Variants in PCDHGA11 observed in about 807,000 individuals in gnomAD.
PCDHGA11 encodes the protein protocadherin gamma-A11.
PCDHGA11 carries 39 observed loss-of-function variants against 60.4 expected under a neutral mutation model. The ratio of observed to expected loss-of-function variants is 0.65; its 90% confidence interval spans 0.50 to 0.84. PCDHGA11 has a LOEUF of 0.84. Ranked by LOEUF, PCDHGA11 falls within the 40% of genes least tolerant of loss-of-function variation. PCDHGA11 has a pLI of 0.00. For missense variants in PCDHGA11, 1,165 were observed against 1,197.7 expected, an observed-to-expected ratio of 0.97 and a Z score of 0.40; for synonymous variants, 533 against 510.3, an observed-to-expected ratio of 1.04 and a Z score of -0.60.
At chr5:141,433,225 GCT>G in intron 1 of PCDHGA11, 1 of 1,517,048 alleles carries the variant, frequency 6.6e-7, no homozygotes, top group African/African-American at 1.4e-5. Context: ...TTTTTTAATT[GCT>G]CTGTCTCCCA....
At position 141,474,586 on chromosome 5, in the gene PCDHGA11, A is replaced by T. The variant is rs149003643; in HGVS notation, c.2434-20221A>T. 7.1e-4 allele frequency among the ~76,000 whole-genome samples: 108 copies of T among 152,340 alleles called. No individual in the cohort carries two copies. The East Asian group carries it at 0.015, about 21-fold the overall frequency. The stretch of plus-strand genomic sequence containing the variant: ...TCAGAGATTAATTGAAGTGTTAAAG[A>T]CATGGAAATATAGGTCACATATGGC... On this transcript the variant is annotated intron_variant, in intron 1 of 3. Coordinates refer to ENST00000398587, the MANE Select transcript of PCDHGA11 (RefSeq NM_018914.3).
intron 2 of PCDHGA11, among the ~76,000 whole-genome samples, chr5:141,502,472 A>G (rs1450967250): frequency 1.3e-5 from 2 of 150,886 alleles, no homozygotes; most frequent in Non-Finnish European, 2.9e-5. Flanking sequence ...TACTTCCCGC[A>G]GCATCACACT....
chr5:141,435,026 C>A (rs977017371), intron 1 of PCDHGA11, among the ~76,000 whole-genome samples: 4 of 151,978 alleles, frequency 2.6e-5, no homozygotes, highest in Non-Finnish European at 5.9e-5. Context: ...GCTCTTTTCC[C>A]ACTTTTATTT....
chr5:141,474,837 C>T (rs1250443544), intron 1 of PCDHGA11, among the ~76,000 whole-genome samples: 2 of 152,214 alleles, frequency 1.3e-5, no homozygotes, highest in Admixed American at 6.5e-5. Flanking sequence ...CTGTGCCAGG[C>T]ACTTTACCTG....
At position 141,432,554 on chromosome 5, in the gene PCDHGA11, G is replaced by A. The variant is rs757821109; in HGVS notation, c.2433+8894G>A. The A allele has an allele frequency of 9.3e-6, 15 of 1,613,832 alleles. No homozygotes were observed. Among genetic ancestry groups the A allele is most frequent in the Non-Finnish European group, 1.3e-5 (15 of 1,180,006 alleles). On this transcript the variant is annotated intron_variant, in intron 1 of 3. Coordinates refer to ENST00000398587, the MANE Select transcript of PCDHGA11 (RefSeq NM_018914.3). The surrounding 1 kb of genome is among the most constrained non-coding windows in gnomAD (Gnocchi z 6.0). ...GGTGGTGGCGGTGGACAGAGACTCCGGCCAGAACGCCTGGCTGTCCTACCG... is the reference window on the plus strand; with the variant it reads ...GGTGGTGGCGGTGGACAGAGACTCCAGCCAGAACGCCTGGCTGTCCTACCG...
rs4042104 is a variant in PCDHGA11 at position 141,489,091 on chromosome 5, T to TAAG, written c.2434-5713_2434-5711dup. On this transcript the variant is annotated intron_variant, in intron 1 of 3. Transcript: ENST00000398587. This position sits in a 1 kb window ranked among gnomAD's most constrained non-coding sequence, Gnocchi z 4.5. Reference sequence around the variant, plus strand: ...CTGCCCACCCCCGCCACTCGGTGACTAAGAACTGCTGCAAGCAGGCAAACC... The same window carrying TAAG: ...CTGCCCACCCCCGCCACTCGGTGACTAAGAAGAACTGCTGCAAGCAGGCAAACC... 136,009 of 332,164 alleles carry TAAG rather than the reference T, an allele frequency of 0.41. 28,517 individuals are homozygous for TAAG. The highest frequency in any genetic ancestry group is 0.54 in the Admixed American group (11,651 of 21,676). The allele number at this position is 332,164 out of a possible 1,614,324, so 20.6% of individuals were successfully genotyped here.
chr5:141,464,200 G>C (rs1331779739), intron 1 of PCDHGA11, among the ~76,000 whole-genome samples: 1 of 149,856 alleles, frequency 6.7e-6, no homozygotes, highest in Non-Finnish European at 1.5e-5. Flanking sequence ...AGGAGGCGGA[G>C]ATTGCAGTGA....
intron 1 of PCDHGA11, among the ~76,000 whole-genome samples, chr5:141,459,534 T>G (rs980917458): frequency 1.3e-5 from 2 of 151,990 alleles, no homozygotes; most frequent in African/African-American, 2.4e-5. Flanking sequence ...TGTAGGCATA[T>G]TTTTTTTATT....
intron 1 of PCDHGA11, chr5:141,429,155 G>A (rs115622025): frequency 0.044 from 6,389 of 145,752 alleles, 216 homozygotes; most frequent in African/African-American, 0.099. Flanking sequence ...CACCCGGCCC[G>A]GAGACATTGT....
At chr5:141,500,438 T>C (rs977844035) in intron 2 of PCDHGA11, among the ~76,000 whole-genome samples, 2 of 151,816 alleles carry the variant, frequency 1.3e-5, no homozygotes, top group African/African-American at 4.8e-5. Flanking sequence ...CTCGATCTCC[T>C]GACCTCGTGA....
chr5:141,478,783 T>G (rs1435790850), intron 1 of PCDHGA11: 2 of 1,483,968 alleles, frequency 1.3e-6, no homozygotes, highest in Admixed American at 4.6e-5. Flanking sequence ...TGGACCTAAT[T>G]CACATCCTCA....
At position 141,465,539 on chromosome 5, in the gene PCDHGA11, T is replaced by C. The variant is rs2099105222; in HGVS notation, c.2434-29268T>C. On this transcript the variant is annotated intron_variant, in intron 1 of 3. Transcript: ENST00000398587. ...GATTCTGGGGAAGTTTTCCCAGGCA[T>C]TTTTTCTGCTGAAGCTTTGGTAACT... Among the ~76,000 whole-genome samples the C allele has an allele frequency of 2.0e-5, 3 of 152,178 alleles. No homozygotes were observed. In the South Asian group the frequency reaches 6.2e-4, roughly 32 times the overall value.
chr5:141,422,959 C>G lies in PCDHGA11; in HGVS notation c.1732C>G (p.Leu578Val). The change falls in exon 1 of 4, where the codon CTG becomes GTG. Residue 578 changes from leucine to valine, a missense_variant. Coordinates refer to ENST00000398587, the MANE Select transcript of PCDHGA11 (RefSeq NM_018914.3). ...LPTDGSTGVE[L>V]APRSAEPGYL... The stretch of plus-strand genomic sequence containing the variant: ...CACAGACGGCTCCACTGGCGTGGAG[C>G]TGGCGCCCCGCTCTGCGGAACCTGG... 1 of 1,614,234 alleles carries G rather than the reference C, an allele frequency of 6.2e-7. No individual in the cohort carries two copies. Among genetic ancestry groups the G allele is most frequent in the Non-Finnish European group, 8.5e-7 (1 of 1,180,044 alleles).
intron 1 of PCDHGA11, chr5:141,428,330 T>C: frequency 1.6e-6 from 1 of 628,558 alleles, no homozygotes; most frequent in Non-Finnish European, 2.9e-6. Flanking sequence ...TTGATTTCTA[T>C]GCTCTTCTTC....
chr5:141,446,578 GTGAT>G (rs2098507706), intron 1 of PCDHGA11, among the ~76,000 whole-genome samples: 1 of 152,064 alleles, frequency 6.6e-6, no homozygotes, highest in African/African-American at 2.4e-5. Context: ...CCAGGTTCAA[GTGAT>G]TCTTCTGCCT....
chr5:141,495,547 C>G (rs2099762038), intron 2 of PCDHGA11, among the ~76,000 whole-genome samples: 1 of 152,228 alleles, frequency 6.6e-6, no homozygotes, highest in South Asian at 2.1e-4. Flanking sequence ...CAGTCTCTAT[C>G]TCGCTTTGCA....
chr5:141,427,568 T>A (rs1260622772), intron 1 of PCDHGA11: 1 of 660,576 alleles, frequency 1.5e-6, no homozygotes, highest in Admixed American at 2.1e-5. Flanking sequence ...AGGGCAAGCC[T>A]CCGCTCTCAT....
rs61612330 is a variant in PCDHGA11 at position 141,454,796 on chromosome 5, A to ATTTTTTTTTTTTTTTT, written c.2433+31150_2433+31165dup. Among the ~76,000 whole-genome samples the ATTTTTTTTTTTTTTTT allele has an allele frequency of 1.2e-3, 96 of 77,456 alleles. 8 individuals are homozygous for ATTTTTTTTTTTTTTTT. The highest frequency in any genetic ancestry group is 2.0e-3 in the South Asian group (4 of 1,960). 50.8% of individuals were successfully genotyped at this position (77,456 alleles called of 152,430 possible). A position where few individuals can be genotyped will look rare whatever the true frequency, so the allele number is the denominator to read the frequency against. ...AAGGAAATAATCCTCCATGGTTCTA[A>ATTTTTTTTTTTTTTTT]TTTTTTTTTTTTTTTTTTTTTTTTT... On this transcript the variant is annotated intron_variant, in intron 1 of 3. Coordinates refer to ENST00000398587, the MANE Select transcript of PCDHGA11 (RefSeq NM_018914.3).
chr5:141,450,702 G>T (rs1466981422), intron 1 of PCDHGA11, among the ~76,000 whole-genome samples: 6 of 152,026 alleles, frequency 3.9e-5, no homozygotes, highest in South Asian at 2.1e-4. Flanking sequence ...GCCCAGGATG[G>T]TCTCCAACTC....
Sources: allele counts gnomAD v4.1 joint callset (sites outside exome capture counted in the v4.1 genomes callset), GRCh38; gene constraint gnomAD v4.1.1; non-coding constraint Gnocchi (gnomAD v3.1); transcripts MANE v1.5; gene names NCBI Gene and HGNC (gene_info 2026-07-23, HGNC 2026-07-21).